The following LRRC4C variants were observed in gnomAD, a reference collection of about 807,000 sequenced individuals.
LRRC4C encodes the protein leucine-rich repeat-containing protein 4C.
Under a neutral mutation model 33.6 loss-of-function variants are expected in LRRC4C, and 5 were observed. The ratio of observed to expected loss-of-function variants is 0.15; its 90% confidence interval spans 0.08 to 0.31. The LOEUF (loss-of-function observed/expected upper bound fraction) is 0.31, where lower values mean the gene tolerates loss of function less well. Among genes scored for constraint, LRRC4C ranks in the 10% least tolerant of loss-of-function variants. The pLI, the probability that LRRC4C is intolerant of heterozygous loss-of-function variation, is 1.00. For missense variants in LRRC4C, 560 were observed against 796.7 expected, an observed-to-expected ratio of 0.70 and a Z score of 3.58; for synonymous variants, 329 against 302.0, an observed-to-expected ratio of 1.09 and a Z score of -0.93.
intron 1 of LRRC4C, among the ~76,000 whole-genome samples, chr11:41,330,225 G>A (rs78910687): frequency 1.1e-4 from 16 of 152,152 alleles, no homozygotes; most frequent in African/African-American, 3.9e-4. Flanking sequence ...AACTGTGCAG[G>A]AGGATTTATA....
In LRRC4C at chr11:40,179,029, C is replaced by T. The variant is rs527469980; in HGVS notation, c.-95-38176G>A. Among the ~76,000 whole-genome samples, 14 of 147,872 alleles carry T rather than the reference C, an allele frequency of 9.5e-5. No homozygotes were observed. The South Asian group carries it at 1.7e-3, about 18-fold the overall frequency. On this transcript the variant is annotated intron_variant, in intron 5 of 6. Transcript: ENST00000528697. ...TTCTTTCTTTTTTTTTTTTTAGATA[C>T]GGTCTTGCTCAGTTGTACAGGCTGG...
At chr11:40,642,209 A>AC (rs112528948) in intron 3 of LRRC4C, among the ~76,000 whole-genome samples, 28,909 of 152,036 alleles carry the variant, frequency 0.19, 2,811 homozygotes, top group African/African-American at 0.2. Context: ...ATACAAGTAT[A>AC]TGTGTAAAGA....
chr11:41,087,475 A>T (rs1299963925), intron 1 of LRRC4C, among the ~76,000 whole-genome samples: 1 of 151,954 alleles, frequency 6.6e-6, no homozygotes, highest in African/African-American at 2.4e-5. Context: ...CTTCATTGCA[A>T]TTGCAATTAA....
chr11:40,777,606 G>A (rs540824646), intron 2 of LRRC4C, among the ~76,000 whole-genome samples: 8 of 148,842 alleles, frequency 5.4e-5, no homozygotes, highest in Admixed American at 4.1e-4. Context: ...TTTCTATAAT[G>A]CTTTACTCTG....
intron 2 of LRRC4C, among the ~76,000 whole-genome samples, chr11:40,899,820 C>A (rs1956129349): frequency 6.6e-6 from 1 of 152,102 alleles, no homozygotes. Context: ...ACATGATATC[C>A]ACTTCTCACG....
intron 2 of LRRC4C, 62 bp from the exon 3 acceptor site, chr11:40,648,340 G>T (rs1163850851): frequency 6.6e-6 from 1 of 152,004 alleles, no homozygotes. Flanking sequence ...AATGCTGGTA[G>T]ATTTTAACAC....
chr11:41,100,170 G>T (rs1312785992), intron 1 of LRRC4C, among the ~76,000 whole-genome samples: 2 of 152,082 alleles, frequency 1.3e-5, no homozygotes, highest in Non-Finnish European at 2.9e-5. Context: ...GAAAGTGAAA[G>T]AACTCTATAA....
intron 2 of LRRC4C, among the ~76,000 whole-genome samples, chr11:40,705,792 C>CA (rs1946140030): frequency 6.6e-6 from 1 of 152,126 alleles, no homozygotes; most frequent in Non-Finnish European, 1.5e-5. Context: ...TTGTCTTCCA[C>CA]AATGGATGAA....
At chr11:40,945,023 CTTTTTTTTTTTT>C (rs767515626) in intron 1 of LRRC4C, among the ~76,000 whole-genome samples, 2 of 111,122 alleles carry the variant, frequency 1.8e-5, no homozygotes, top group African/African-American at 3.6e-5. Context: ...TGCAGTTTTT[CTTTTTTTTTTTT>C]TTTTTTTTTT....
intron 3 of LRRC4C, among the ~76,000 whole-genome samples, chr11:40,473,681 C>A (rs1042052300): frequency 6.6e-6 from 1 of 152,144 alleles, no homozygotes; most frequent in Non-Finnish European, 1.5e-5. Flanking sequence ...TTACAGATGA[C>A]ATGATGGTAT....
At chr11:40,929,266 T>G (rs1957513649) in intron 2 of LRRC4C, among the ~76,000 whole-genome samples, 1 of 152,178 alleles carries the variant, frequency 6.6e-6, no homozygotes, top group Non-Finnish European at 1.5e-5. Flanking sequence ...CCCATACTTC[T>G]TTAAAAGTTT....
intron 3 of LRRC4C, among the ~76,000 whole-genome samples, chr11:40,504,893 C>T (rs996549411): frequency 6.6e-5 from 10 of 152,232 alleles, no homozygotes; most frequent in South Asian, 6.2e-4. Flanking sequence ...CTTTAAACCA[C>T]GTAAACAGTA....
chr11:40,876,577 C>G (rs1320003864), intron 2 of LRRC4C, among the ~76,000 whole-genome samples: 1 of 152,088 alleles, frequency 6.6e-6, no homozygotes, highest in Non-Finnish European at 1.5e-5. Context: ...TCCTGTGTCA[C>G]TGAAATGTGC....
At chr11:40,681,787 C>T (rs1342778215) in intron 2 of LRRC4C, among the ~76,000 whole-genome samples, 1 of 152,138 alleles carries the variant, frequency 6.6e-6, no homozygotes, top group African/African-American at 2.4e-5. Flanking sequence ...GAATTAACAG[C>T]ATTTGCAATG....
chr11:41,199,575 T>C (rs1262690843), intron 1 of LRRC4C, among the ~76,000 whole-genome samples: 1 of 152,116 alleles, frequency 6.6e-6, no homozygotes, highest in African/African-American at 2.4e-5. Flanking sequence ...TGTAGACTTC[T>C]TAGATAGGTG....
intron 4 of LRRC4C, among the ~76,000 whole-genome samples, chr11:40,288,263 A>G (rs1325150732): frequency 1.3e-5 from 2 of 152,222 alleles, no homozygotes; most frequent in Non-Finnish European, 2.9e-5. Context: ...GAAGCATGCA[A>G]AAAAGTAAAA....
intron 1 of LRRC4C, among the ~76,000 whole-genome samples, chr11:40,979,436 C>G (rs557343827): frequency 6.6e-6 from 1 of 152,248 alleles, no homozygotes; most frequent in South Asian, 2.1e-4. Flanking sequence ...TTTTGGTAAA[C>G]TTGATCTTGG....
chr11:40,464,930 C>G (rs1206298290), intron 3 of LRRC4C, among the ~76,000 whole-genome samples: 1 of 151,808 alleles, frequency 6.6e-6, no homozygotes, highest in African/African-American at 2.4e-5. Context: ...ATCAAAATAC[C>G]TACATCATTT....
At chr11:41,051,588 AT>A (rs1423371677) in intron 1 of LRRC4C, among the ~76,000 whole-genome samples, 1 of 124,550 alleles carries the variant, frequency 8.0e-6, no homozygotes, top group Admixed American at 9.7e-5. Context: ...GCTTTTTCTG[AT>A]TTTTAAAAAT....
Sources: gnomAD v4.1 joint callset for allele counts (sites outside exome capture counted in the v4.1 genomes callset) on GRCh38, gnomAD v4.1.1 for gene constraint, MANE v1.5 for transcripts, NCBI Gene and HGNC (gene_info 2026-07-23, HGNC 2026-07-21) for gene names.